GPC6: variants seen among roughly 807,000 people sequenced by gnomAD.
GPC6 encodes glypican 6.
In GPC6, 14 loss-of-function variants were observed where a neutral mutation model predicts 55.2. That is an observed-to-expected ratio of 0.25 (90% confidence interval 0.17 to 0.40). The LOEUF is 0.40. GPC6 is among the 10% of genes least tolerant of loss of function. GPC6 has a pLI of 1.00. For missense variants in GPC6, 641 were observed against 708.5 expected, an observed-to-expected ratio of 0.90 and a Z score of 1.08; for synonymous variants, 278 against 259.6, an observed-to-expected ratio of 1.07 and a Z score of -0.68.
intron 4 of GPC6, among the ~76,000 whole-genome samples, chr13:94,250,969 A>T (rs1395455328): frequency 2.0e-5 from 3 of 152,156 alleles, no homozygotes; most frequent in Admixed American, 1.3e-4. Context: ...AATATTTAAA[A>T]CCATGTTAAG....
chr13:93,242,055 A>G (rs1018581604), intron 1 of GPC6, among the ~76,000 whole-genome samples: 2 of 152,048 alleles, frequency 1.3e-5, no homozygotes, highest in African/African-American at 4.8e-5. Flanking sequence ...CCTGAAGCTT[A>G]TTTTATTCCT....
At chr13:93,878,365 G>T (rs552362660) in intron 3 of GPC6, among the ~76,000 whole-genome samples, 6 of 152,078 alleles carry the variant, frequency 3.9e-5, no homozygotes, top group African/African-American at 1.2e-4. Flanking sequence ...AGGACACAGT[G>T]TTCATTCCCT....
chr13:94,129,098 A>G (rs1886924491), intron 4 of GPC6, among the ~76,000 whole-genome samples: 1 of 152,184 alleles, frequency 6.6e-6, no homozygotes, highest in Non-Finnish European at 1.5e-5. Flanking sequence ...CATTTATAGT[A>G]TTCAGTTATG....
chr13:93,615,578 A>G (rs1244006361), intron 2 of GPC6, among the ~76,000 whole-genome samples: 1 of 152,178 alleles, frequency 6.6e-6, no homozygotes, highest in Non-Finnish European at 1.5e-5. Flanking sequence ...TAGATCACGC[A>G]TCAACATAGT....
chr13:94,157,685 G>A (rs835979), intron 4 of GPC6, among the ~76,000 whole-genome samples: 150,513 of 152,306 alleles, frequency 0.99, 74,395 homozygotes, highest in East Asian at 1. Context: ...ACTTGGAGGA[G>A]GAGACTGGTT....
chr13:94,222,653 C>A (rs1890420277), intron 4 of GPC6, among the ~76,000 whole-genome samples: 1 of 152,080 alleles, frequency 6.6e-6, no homozygotes, highest in Admixed American at 6.6e-5. Context: ...CTCACCTGTG[C>A]CTGGATCTCC....
At chr13:93,430,072 A>G (rs1029219168) in intron 1 of GPC6, among the ~76,000 whole-genome samples, 1 of 152,108 alleles carries the variant, frequency 6.6e-6, no homozygotes, top group African/African-American at 2.4e-5. Context: ...TGACAATTTT[A>G]CTATAGTACT....
At chr13:93,569,739 A>C (rs183027526) in intron 2 of GPC6, among the ~76,000 whole-genome samples, 14 of 152,222 alleles carry the variant, frequency 9.2e-5, no homozygotes, top group Admixed American at 2.0e-4. Context: ...TTATTTGTTA[A>C]ATGTTATTTG....
At chr13:93,453,215 T>TA (rs1308097751) in intron 1 of GPC6, among the ~76,000 whole-genome samples, 13 of 152,340 alleles carry the variant, frequency 8.5e-5, no homozygotes, top group Admixed American at 7.2e-4. Flanking sequence ...TCTCTGGTTC[T>TA]AAAATCTGCT....
intron 3 of GPC6, among the ~76,000 whole-genome samples, chr13:94,006,589 G>C (rs531000248): frequency 6.6e-6 from 1 of 152,208 alleles, no homozygotes; most frequent in South Asian, 2.1e-4. Flanking sequence ...GCAGTCATGG[G>C]GCTAATCAGA....
chr13:94,367,416 C>T (rs1183558579), intron 6 of GPC6, among the ~76,000 whole-genome samples: 2 of 152,210 alleles, frequency 1.3e-5, no homozygotes, highest in Non-Finnish European at 2.9e-5. Context: ...AGGATGCCTA[C>T]TGCACTTAAT....
At chr13:94,366,912 C>A (rs1027812052) in intron 6 of GPC6, among the ~76,000 whole-genome samples, 2 of 152,132 alleles carry the variant, frequency 1.3e-5, no homozygotes, top group African/African-American at 4.8e-5. Context: ...TGCAAAGGAA[C>A]AAAGCCAGGC....
intron 4 of GPC6, among the ~76,000 whole-genome samples, chr13:94,267,735 G>C (rs1891861693): frequency 6.6e-6 from 1 of 152,196 alleles, no homozygotes; most frequent in Non-Finnish European, 1.5e-5. Context: ...GCTGTGATGA[G>C]TGAGGCAATT....
intron 4 of GPC6, among the ~76,000 whole-genome samples, chr13:94,176,858 C>T (rs1234392710): frequency 6.6e-6 from 1 of 152,110 alleles, no homozygotes; most frequent in Non-Finnish European, 1.5e-5. Flanking sequence ...ATCCTTAATG[C>T]AATCAGAATC....
At chr13:93,840,539 TTTGA>T (rs1887913884) in intron 3 of GPC6, among the ~76,000 whole-genome samples, 1 of 122,130 alleles carries the variant, frequency 8.2e-6, no homozygotes, top group Non-Finnish European at 1.7e-5. Flanking sequence ...ATGAACATAT[TTTGA>T]TTGATTTTGT....
chr13:93,697,716 A>G (rs753983511), intron 2 of GPC6, among the ~76,000 whole-genome samples: 13 of 152,192 alleles, frequency 8.5e-5, no homozygotes, highest in Non-Finnish European at 1.6e-4. Context: ...TATAAATATC[A>G]TAAATTGCAG....
chr13:93,241,363 C>T lies in GPC6; in HGVS notation c.160+13747C>T, dbSNP rs964792005. On this transcript the variant is annotated intron_variant, in intron 1 of 8. Coordinates refer to ENST00000377047, the MANE Select transcript of GPC6 (RefSeq NM_005708.5). ...TGATTCTTTTTTCTTTGTTTTTGTT[C>T]GGTTGGGTAAACCCAAAAGCCTTAT... 6.6e-5 allele frequency among the ~76,000 whole-genome samples: 10 copies of T among 152,016 alleles called. No individual in the cohort carries two copies. The East Asian group carries it at 7.7e-4, about 12-fold the overall frequency.
At chr13:93,492,813 C>T (rs967540985) in intron 1 of GPC6, among the ~76,000 whole-genome samples, 1 of 150,546 alleles carries the variant, frequency 6.6e-6, no homozygotes, top group African/African-American at 2.4e-5. Context: ...TGTTTATATG[C>T]TGGATTACAT....
intron 2 of GPC6, among the ~76,000 whole-genome samples, chr13:93,601,998 A>C (rs1355705685): frequency 6.6e-6 from 1 of 152,064 alleles, no homozygotes; most frequent in Non-Finnish European, 1.5e-5. Context: ...AAATCCTGAG[A>C]TTGTAAGGTT....
Sources: allele counts gnomAD v4.1 joint callset (sites outside exome capture counted in the v4.1 genomes callset), GRCh38; gene constraint gnomAD v4.1.1; transcripts MANE v1.5; gene names NCBI Gene and HGNC (gene_info 2026-07-23, HGNC 2026-07-21).